The following SCN4B variants were observed in gnomAD, a reference collection of about 807,000 sequenced individuals.
The protein encoded by SCN4B is sodium channel regulatory subunit beta-4.
SCN4B carries 20 observed loss-of-function variants against 19.6 expected under a neutral mutation model. The ratio of observed to expected loss-of-function variants is 1.02; its 90% confidence interval spans 0.72 to 1.48. SCN4B has a LOEUF of 1.48. SCN4B is among the 40% of genes most tolerant of loss of function. The probability of loss-of-function intolerance (pLI) is 0.00; values close to 1 mark genes in which losing one functional copy is unlikely to be tolerated. For missense variants in SCN4B, 271 were observed against 287.5 expected, an observed-to-expected ratio of 0.94 and a Z score of 0.42; for synonymous variants, 127 against 122.8, an observed-to-expected ratio of 1.03 and a Z score of -0.22.
At chr11:118,143,698 C>A in intron 3 of SCN4B, 135 bp downstream of exon 3, 2 of 689,832 alleles carry the variant, frequency 2.9e-6, no homozygotes, top group Middle Eastern at 3.8e-4. Flanking sequence ...TTAGATGTAA[C>A]TCCAGCAGCT....
Position 118,134,808 on chromosome 11 carries a change from C to T in SCN4B, c.*2219G>A. 4.4e-6 allele frequency: 2 copies of T among 453,992 alleles called. No homozygotes were observed. Among genetic ancestry groups the T allele is most frequent in the Non-Finnish European group, 8.8e-6 (2 of 226,742 alleles). The allele number at this position is 453,992 out of a possible 1,614,324, so 28.1% of individuals were successfully genotyped here. A position where few individuals can be genotyped will look rare whatever the true frequency, so the allele number is the denominator to read the frequency against. On this transcript the variant is annotated 3_prime_UTR_variant, in exon 5 of 5. Transcript: ENST00000324727. Reference sequence around the variant, plus strand: ...TGGCTTCCCAGATCCCTTTCCAAGCCAAAAAGATGTTTTTAGACAAAACTT... The same window carrying T: ...TGGCTTCCCAGATCCCTTTCCAAGCTAAAAAGATGTTTTTAGACAAAACTT...
intron 1 of SCN4B, among the ~76,000 whole-genome samples, chr11:118,149,290 G>A (rs1167581673): frequency 6.6e-6 from 1 of 152,196 alleles, no homozygotes; most frequent in Non-Finnish European, 1.5e-5. Flanking sequence ...AGGAAAGAGG[G>A]GCAGGCTGGT....
intron 4 of SCN4B, among the ~76,000 whole-genome samples, chr11:118,137,534 G>C (rs1476051826): frequency 2.0e-5 from 3 of 152,176 alleles, no homozygotes; most frequent in South Asian, 2.1e-4. Context: ...AGCCAGGCGT[G>C]GTGGCAGGCG....
At chr11:118,145,339 C>G in intron 1 of SCN4B, 110 bp from the exon 2 acceptor site, 1 of 1,561,860 alleles carries the variant, frequency 6.4e-7, no homozygotes, top group Non-Finnish European at 8.6e-7. Flanking sequence ...GTCTCTATCA[C>G]CCTCAGTGCC....
rs7934994 is a variant in SCN4B at position 118,135,065 on chromosome 11, G to A, written c.*1962C>T. 2,625 of 454,114 alleles carry A rather than the reference G, an allele frequency of 5.8e-3. 43 individuals are homozygous for A. The highest frequency in any genetic ancestry group is 0.044 in the African/African-American group (2,186 of 50,102). The allele number at this position is 454,114 out of a possible 1,614,324, so 28.1% of individuals were successfully genotyped here. On this transcript the variant is annotated 3_prime_UTR_variant, in exon 5 of 5. Coordinates refer to ENST00000324727, the MANE Select transcript of SCN4B (RefSeq NM_174934.4). The stretch of plus-strand genomic sequence containing the variant: ...CTGCCTCTTCAAATGTCACCATTGA[G>A]AAGGAAGAAGAAAACAGTTTTGCAT...
chr11:118,145,578 T>A, intron 1 of SCN4B: 1 of 800,244 alleles, frequency 1.2e-6, no homozygotes, highest in Non-Finnish European at 1.7e-6. Context: ...CTGGAAGCGC[T>A]CCTGCCGCAC....
rs1207643739 is a variant in SCN4B, at chr11:118,141,269, G to A, written c.531C>T (p.Leu177=). 2.5e-6 allele frequency: 4 copies of A among 1,612,832 alleles called. No individual in the cohort carries two copies. The highest frequency in any genetic ancestry group is 1.7e-6 in the Non-Finnish European group (2 of 1,180,002). ...GTTTCTTGATCAGCAGGATGAGGAT[G>A]AGGAGCCCGATGACCCCGCCCACGA... The part of the protein sequence containing the change: ...LAVVGGVIGL[L]ILILLIKKLI... The change falls in exon 4 of 5, where the codon CTC becomes CTT. Residue 177 remains leucine (L), a synonymous_variant. Coordinates refer to ENST00000324727, the MANE Select transcript of SCN4B (RefSeq NM_174934.4).
Position 118,135,276 on chromosome 11 carries a change from G to A in SCN4B, c.*1751C>T, listed in dbSNP as rs1253676649. The A allele has an allele frequency of 1.3e-5, 6 of 453,824 alleles. No homozygotes were observed. Among genetic ancestry groups the A allele is most frequent in the South Asian group, 6.2e-5 (4 of 64,472 alleles). The allele number at this position is 453,824 out of a possible 1,614,324, so 28.1% of individuals were successfully genotyped here. ...GCTAAGGGACACTGGCCACAGCCAC[G>A]GGCACCCTGCAGGTACTACTGGTCC... On this transcript the variant is annotated 3_prime_UTR_variant, in exon 5 of 5. Transcript: ENST00000324727.
At chr11:118,137,172 G>A in intron 4 of SCN4B, 52 bp from the exon 5 acceptor site, 1 of 1,356,530 alleles carries the variant, frequency 7.4e-7, no homozygotes, top group Non-Finnish European at 1.1e-6. Flanking sequence ...AAGAGTAGGG[G>A]GAGAATTGTG....
At chr11:118,137,417 T>C (rs1216074327) in intron 4 of SCN4B, among the ~76,000 whole-genome samples, 4 of 152,184 alleles carry the variant, frequency 2.6e-5, no homozygotes, top group African/African-American at 9.7e-5. Flanking sequence ...ACACCTGTAA[T>C]CCCAGCACTT....
chr11:118,135,822 C>T lies in SCN4B; in HGVS notation c.*1205G>A, dbSNP rs552089757. On this transcript the variant is annotated 3_prime_UTR_variant, in exon 5 of 5. Coordinates refer to ENST00000324727, the MANE Select transcript of SCN4B (RefSeq NM_174934.4). ...CCCCACACACAAGGGCTGTGCAAAC[C>T]AGCTCTGGGAGAAGCAAAGGAAAAC... is the stretch of plus-strand genomic sequence containing the variant. The T allele has an allele frequency of 4.4e-6, 2 of 454,522 alleles. No individual in the cohort carries two copies. The highest frequency in any genetic ancestry group is 2.0e-5 in the African/African-American group (1 of 50,124). 28.2% of individuals were successfully genotyped at this position (454,522 alleles called of 1,614,324 possible). A position where few individuals can be genotyped will look rare whatever the true frequency, so the allele number is the denominator to read the frequency against.
Position 118,137,058 on chromosome 11 carries a change from T to G in SCN4B, c.656A>C (p.Lys219Thr). ...TTTTGAAGGTGGTTTCTCCTCTGCC[T>G]TGGAGCCAGGCAAGCCGTTCTCCGT... Reference protein sequence around the residue: ...DNTENGLPGSKAEEKPPSKV With the variant: ...DNTENGLPGSTAEEKPPSKV The change falls in exon 5 of 5, where the codon AAG (lysine) becomes ACG (threonine). Residue 219 changes from lysine (K) to threonine (T), a missense_variant. Transcript: ENST00000324727. 6.2e-7 allele frequency: 1 copy of G among 1,614,098 alleles called. No homozygotes were observed.
In SCN4B at chr11:118,141,436, C is replaced by T. The variant is rs115987164; in HGVS notation, c.464-100G>A. ...AGTGCAAGGGCCATGTAGCCTCCAC[C>T]CCCTGGCATCCGGGGCACATCCACT... On this transcript the variant is annotated intron_variant, in intron 3 of 4. Transcript: ENST00000324727. 7,670 of 1,450,372 alleles carry T rather than the reference C, an allele frequency of 5.3e-3. 297 individuals carry two copies. The African/African-American group carries it at 0.094, about 18-fold the overall frequency. 89.8% of individuals were successfully genotyped at this position (1,450,372 alleles called of 1,614,324 possible). A position where few individuals can be genotyped will look rare whatever the true frequency, so the allele number is the denominator to read the frequency against.
chr11:118,138,880 ATGT>A (rs1812119748), intron 4 of SCN4B, among the ~76,000 whole-genome samples: 2 of 152,034 alleles, frequency 1.3e-5, no homozygotes, highest in Non-Finnish European at 1.5e-5. Flanking sequence ...CAATGGTGAG[ATGT>A]TGTCCAGTAC....
At chr11:118,137,440 G>A (rs1305969550) in intron 4 of SCN4B, among the ~76,000 whole-genome samples, 1 of 152,052 alleles carries the variant, frequency 6.6e-6, no homozygotes, top group African/African-American at 2.4e-5. Flanking sequence ...GGAGGCCGAG[G>A]CAGGCAGATC....
At position 118,141,065 on chromosome 11, in the gene SCN4B, G is replaced by A. The variant is rs572103855; in HGVS notation, c.593+142C>T. 302 of 881,606 alleles carry A rather than the reference G, an allele frequency of 3.4e-4. 5 individuals carry two copies. In the South Asian group the frequency reaches 3.8e-3, roughly 11 times the overall value. The allele number at this position is 881,606 out of a possible 1,614,324, so 54.6% of individuals were successfully genotyped here. On this transcript the variant is annotated intron_variant, in intron 4 of 4. Coordinates refer to ENST00000324727, the MANE Select transcript of SCN4B (RefSeq NM_174934.4). ...GAGGAAGGGGCTGAGAGATGGGGAG[G>A]GGGTGGCAGGGATAGAACAGAGAGC...
At chr11:118,142,880 G>T (rs1948116780) in intron 3 of SCN4B, 1 of 152,210 alleles carries the variant, frequency 6.6e-6, no homozygotes, top group Admixed American at 6.5e-5. Flanking sequence ...AAAGGAAGAG[G>T]TGACACCATA....
chr11:118,149,158 T>C (rs1000451268), intron 1 of SCN4B, among the ~76,000 whole-genome samples: 8 of 152,206 alleles, frequency 5.3e-5, no homozygotes, highest in African/African-American at 1.9e-4. Context: ...TTATTAAATA[T>C]TCACACCAGC....
chr11:118,138,385 A>T (rs1948051278), intron 4 of SCN4B, among the ~76,000 whole-genome samples: 1 of 152,170 alleles, frequency 6.6e-6, no homozygotes, highest in Non-Finnish European at 1.5e-5. Context: ...GAAGTTGATA[A>T]ATGTGACATC....
Sources: gnomAD v4.1 joint callset for allele counts (sites outside exome capture counted in the v4.1 genomes callset) on GRCh38, gnomAD v4.1.1 for gene constraint, MANE v1.5 for transcripts, NCBI Gene and HGNC (gene_info 2026-07-23, HGNC 2026-07-21) for gene names.